SCARA5: variants seen among roughly 807,000 people sequenced by gnomAD.
SCARA5 encodes the protein scavenger receptor class A, member 5 (putative).
Under a neutral mutation model 46.3 loss-of-function variants are expected in SCARA5, and 45 were observed. The observed-to-expected ratio is 0.97, with a 90% CI of 0.76 to 1.24. The LOEUF (loss-of-function observed/expected upper bound fraction) is 1.24, where lower values mean the gene tolerates loss of function less well. Among genes scored for constraint, SCARA5 ranks in the 50% most tolerant of loss-of-function variants. The pLI is 0.00. For missense variants in SCARA5, 680 were observed against 689.0 expected (o/e 0.99, Z 0.15); for synonymous variants, 333 against 306.5 (o/e 1.09, Z -0.90).
chr8:27,921,507 G>GTC (rs1807583010), intron 4 of SCARA5, 64 bp downstream of exon 4: 5 of 1,387,784 alleles, frequency 3.6e-6, no homozygotes, highest in Non-Finnish European at 4.8e-6. Flanking sequence ...TTGGGGAGGG[G>GTC]CGTGCAGGAG....
chr8:27,941,844 T>TTG (rs1807951751), intron 3 of SCARA5, among the ~76,000 whole-genome samples: 4 of 149,640 alleles, frequency 2.7e-5, no homozygotes, highest in Non-Finnish European at 5.9e-5. Flanking sequence ...ATTATTATTT[T>TTG]GAGGCAGAAT....
intron 3 of SCARA5, among the ~76,000 whole-genome samples, chr8:27,964,832 TA>T (rs1218164079): frequency 1.3e-5 from 2 of 152,066 alleles, no homozygotes; most frequent in Non-Finnish European, 2.9e-5. Flanking sequence ...ATCTGTCACC[TA>T]AAAGTTCCTG....
chr8:27,877,535 C>G (rs1160510218), intron 8 of SCARA5, among the ~76,000 whole-genome samples: 1 of 152,210 alleles, frequency 6.6e-6, no homozygotes, highest in Admixed American at 6.5e-5. Flanking sequence ...ACTACCTATT[C>G]TGGCTTCTTG....
At chr8:27,901,004 G>T (rs1807144167) in intron 7 of SCARA5, among the ~76,000 whole-genome samples, 1 of 151,940 alleles carries the variant, frequency 6.6e-6, no homozygotes, top group African/African-American at 2.4e-5. Flanking sequence ...AAACTGGTGG[G>T]GTGGGGTTGG....
At chr8:27,950,005 G>A (rs2129897283) in intron 3 of SCARA5, among the ~76,000 whole-genome samples, 1 of 152,316 alleles carries the variant, frequency 6.6e-6, no homozygotes, top group Non-Finnish European at 1.5e-5. Flanking sequence ...CCTGAGCAGA[G>A]ACCTAGGGAG....
intron 4 of SCARA5, among the ~76,000 whole-genome samples, chr8:27,916,759 C>T (rs1406018713): frequency 6.6e-6 from 1 of 152,172 alleles, no homozygotes; most frequent in African/African-American, 2.4e-5. Flanking sequence ...ACCCTAGATG[C>T]AGTGGTGATA....
intron 3 of SCARA5, among the ~76,000 whole-genome samples, chr8:27,939,992 A>G (rs1807917332): frequency 6.6e-6 from 1 of 152,196 alleles, no homozygotes; most frequent in Non-Finnish European, 1.5e-5. Flanking sequence ...CCTCCTGGCC[A>G]CAGTCCCATG....
chr8:27,921,462 TG>T, intron 4 of SCARA5, 108 bp downstream of exon 4: 2 of 873,978 alleles, frequency 2.3e-6, no homozygotes, highest in South Asian at 1.9e-5. Context: ...CAAGTGCACT[TG>T]GGGATGGGGT....
At chr8:27,899,964 C>T (rs1156783582) in intron 7 of SCARA5, among the ~76,000 whole-genome samples, 2 of 152,176 alleles carry the variant, frequency 1.3e-5, no homozygotes, top group African/African-American at 4.8e-5. Context: ...ATGGTAAAAA[C>T]CCATTTCTAC....
rs1807670047 is a variant in SCARA5 at position 27,925,730 on chromosome 8, A to T, written c.242-3485T>A. Among the ~76,000 whole-genome samples the T allele has an allele frequency of 2.0e-5, 3 of 152,178 alleles. No homozygotes were observed. The South Asian group carries it at 6.2e-4, about 31-fold the overall frequency. On this transcript the variant is annotated intron_variant, in intron 3 of 8. Transcript: ENST00000354914. Reference sequence around the variant, plus strand: ...AAGGGCTAATATCCAGAATCTACAAAGAACTCAAACAAATTTATAAGAAAA... The same window carrying T: ...AAGGGCTAATATCCAGAATCTACAATGAACTCAAACAAATTTATAAGAAAA...
intron 3 of SCARA5, among the ~76,000 whole-genome samples, chr8:27,959,064 C>T (rs10110078): frequency 0.012 from 1,762 of 152,178 alleles, 42 homozygotes; most frequent in African/African-American, 0.04. Context: ...AAAACCCTGT[C>T]TCTACTAAAA....
chr8:27,965,571 C>T (rs1808356786), intron 3 of SCARA5, among the ~76,000 whole-genome samples: 1 of 152,206 alleles, frequency 6.6e-6, no homozygotes, highest in Admixed American at 6.5e-5. Flanking sequence ...TGAGAGAAGC[C>T]CCTGGGTCCT....
At chr8:27,970,084 T>A (rs1287891335) in intron 2 of SCARA5, among the ~76,000 whole-genome samples, 1 of 152,226 alleles carries the variant, frequency 6.6e-6, no homozygotes, top group East Asian at 1.9e-4. Flanking sequence ...ACATGCAGCA[T>A]CCTTCTGGCT....
chr8:27,919,395 T>C (rs1807545957), intron 4 of SCARA5, among the ~76,000 whole-genome samples: 1 of 152,014 alleles, frequency 6.6e-6, no homozygotes, highest in African/African-American at 2.4e-5. Flanking sequence ...CTAGACTGGA[T>C]GCATCACCCA....
At chr8:27,887,771 G>C (rs1458899566) in intron 7 of SCARA5, among the ~76,000 whole-genome samples, 2 of 152,162 alleles carry the variant, frequency 1.3e-5, no homozygotes, top group East Asian at 3.8e-4. Context: ...CCCAAACATG[G>C]AAATAAAAGA....
At chr8:27,916,809 G>C (rs777209820) in intron 4 of SCARA5, among the ~76,000 whole-genome samples, 2 of 152,210 alleles carry the variant, frequency 1.3e-5, no homozygotes, top group Non-Finnish European at 2.9e-5. Flanking sequence ...ACTGTGAAGA[G>C]CCAGGAGCCC....
At chr8:27,954,805 C>T (rs568555103) in intron 3 of SCARA5, among the ~76,000 whole-genome samples, 71 of 152,286 alleles carry the variant, frequency 4.7e-4, no homozygotes, top group Non-Finnish European at 8.1e-4. Context: ...GCTAAATGGC[C>T]GCAGCCAATG....
In SCARA5 at chr8:27,907,224, G is replaced by T. The variant is rs1377806439; in HGVS notation, c.1020C>A (p.Thr340=). Reference sequence around the variant, plus strand: ...CGCCCTTGGGCCCGGGCAATCCTGGGGTACCTCTCTCCCCGGGCAGACCTG... The same window carrying T: ...CGCCCTTGGGCCCGGGCAATCCTGGTGTACCTCTCTCCCCGGGCAGACCTG... The part of the protein sequence containing the change: ...GLRGLPGERG[T]PGLPGPKGDD... Residue 340 remains threonine (T), a synonymous_variant, in exon 6 of 9, where the codon ACC becomes ACA. Coordinates refer to ENST00000354914, the MANE Select transcript of SCARA5 (RefSeq NM_173833.6). 1 of 1,613,404 alleles carries T rather than the reference G, an allele frequency of 6.2e-7. No individual in the cohort carries two copies. The highest frequency in any genetic ancestry group is 2.2e-5 in the East Asian group (1 of 44,822).
chr8:27,936,775 A>G (rs1467891637), intron 3 of SCARA5, among the ~76,000 whole-genome samples: 1 of 151,972 alleles, frequency 6.6e-6, no homozygotes, highest in African/African-American at 2.4e-5. Flanking sequence ...GGATTTCCAT[A>G]TTAGGATGGC....
Sources: allele counts gnomAD v4.1 joint callset (sites outside exome capture counted in the v4.1 genomes callset), GRCh38; gene constraint gnomAD v4.1.1; transcripts MANE v1.5; gene names NCBI Gene and HGNC (gene_info 2026-07-23, HGNC 2026-07-21).